Variants in MACROD2 observed in about 807,000 individuals in gnomAD.
The protein encoded by MACROD2 is ADP-ribose glycohydrolase MACROD2.
Under a neutral mutation model 70.4 loss-of-function variants are expected in MACROD2, and 36 were observed. The observed-to-expected ratio is 0.51, with a 90% CI of 0.39 to 0.68. MACROD2 has a LOEUF of 0.68. MACROD2 is among the 30% of genes least tolerant of loss of function. The pLI is 0.00. For missense variants in MACROD2, 496 were observed against 538.4 expected (o/e 0.92, Z 0.78); for synonymous variants, 172 against 178.8 (o/e 0.96, Z 0.30).
At chr20:15,770,904 A>G (rs1157627940) in intron 8 of MACROD2, among the ~76,000 whole-genome samples, 1 of 152,160 alleles carries the variant, frequency 6.6e-6, no homozygotes, top group East Asian at 1.9e-4. Flanking sequence ...CTCGTGTCCA[A>G]TCTGCTGACA....
intron 8 of MACROD2, among the ~76,000 whole-genome samples, chr20:15,561,819 G>A (rs1310016838): frequency 1.3e-5 from 2 of 152,040 alleles, no homozygotes; most frequent in African/African-American, 4.8e-5. Flanking sequence ...ATTAAAATAA[G>A]AACAGAGCAC....
At chr20:14,705,317 A>G (rs2071256506) in intron 5 of MACROD2, among the ~76,000 whole-genome samples, 1 of 152,128 alleles carries the variant, frequency 6.6e-6, no homozygotes, top group East Asian at 1.9e-4. Context: ...AACCGCCAAG[A>G]GCCAGGAACT....
intron 5 of MACROD2, among the ~76,000 whole-genome samples, chr20:15,183,279 A>T (rs981758847): frequency 6.6e-6 from 1 of 152,128 alleles, no homozygotes; most frequent in African/African-American, 2.4e-5. Flanking sequence ...TCACTCCTAT[A>T]ATCCTAGAAC....
intron 10 of MACROD2, among the ~76,000 whole-genome samples, chr20:15,911,274 C>T (rs2065232895): frequency 6.6e-6 from 1 of 152,130 alleles, no homozygotes; most frequent in Admixed American, 6.5e-5. Context: ...CAGAGGAAAA[C>T]AGGGGAAGTA....
Position 15,730,996 on chromosome 20 carries a change from C to T in MACROD2, c.646-131749C>T, listed in dbSNP as rs1454055502. Among the ~76,000 whole-genome samples, 4 of 58,458 alleles carry T rather than the reference C, an allele frequency of 6.8e-5. 2 individuals are homozygous for T. Among genetic ancestry groups the T allele is most frequent in the African/African-American group, 1.9e-4 (4 of 21,040 alleles). 38.4% of individuals were successfully genotyped at this position (58,458 alleles called of 152,430 possible). On this transcript the variant is annotated intron_variant, in intron 8 of 17. Coordinates refer to ENST00000684519, the MANE Select transcript of MACROD2 (RefSeq NM_001351661.2). ...ATATTTGTGGTTGTATTCTGAAACT[C>T]TTGAGGTGAGTTTTTCAGCTCTATC...
intron 15 of MACROD2, among the ~76,000 whole-genome samples, chr20:16,003,263 T>C (rs2066740304): frequency 6.6e-6 from 1 of 152,180 alleles, no homozygotes; most frequent in Non-Finnish European, 1.5e-5. Flanking sequence ...ATTCCTGAGC[T>C]CCCCTTCGAG....
intron 10 of MACROD2, among the ~76,000 whole-genome samples, chr20:15,889,513 T>A (rs1171685068): frequency 6.6e-6 from 1 of 152,126 alleles, no homozygotes; most frequent in East Asian, 1.9e-4. Flanking sequence ...ACTTTTATAG[T>A]AAGTAGAGGC....
intron 6 of MACROD2, among the ~76,000 whole-genome samples, chr20:15,337,249 G>GTGTTT (rs1273033901): frequency 3.3e-5 from 5 of 151,698 alleles, no homozygotes; most frequent in Non-Finnish European, 7.4e-5. Context: ...AGAACAGTTT[G>GTGTTT]TGTTTTGTTT....
intron 6 of MACROD2, among the ~76,000 whole-genome samples, chr20:15,403,970 A>C (rs1021320569): frequency 6.6e-6 from 1 of 152,140 alleles, no homozygotes; most frequent in African/African-American, 2.4e-5. Flanking sequence ...AGTATCAGCA[A>C]TTTTCATTCA....
At chr20:15,710,043 G>A (rs2050601436) in intron 8 of MACROD2, among the ~76,000 whole-genome samples, 1 of 151,988 alleles carries the variant, frequency 6.6e-6, no homozygotes, top group Non-Finnish European at 1.5e-5. Context: ...ACGGGCTAAT[G>A]ATCCGTACGA....
intron 3 of MACROD2, among the ~76,000 whole-genome samples, chr20:14,483,954 A>G (rs546590665): frequency 1.1e-4 from 17 of 152,196 alleles, no homozygotes; most frequent in Admixed American, 3.9e-4. Flanking sequence ...AAAAGTTTAT[A>G]TATTTGATAT....
At chr20:15,465,283 C>T (rs1007627579) in intron 7 of MACROD2, among the ~76,000 whole-genome samples, 2 of 152,120 alleles carry the variant, frequency 1.3e-5, no homozygotes, top group African/African-American at 4.8e-5. Context: ...ATGTATCTAC[C>T]ATGATACGTC....
chr20:14,580,299 T>G (rs1451953729), intron 4 of MACROD2, among the ~76,000 whole-genome samples: 1 of 152,196 alleles, frequency 6.6e-6, no homozygotes, highest in African/African-American at 2.4e-5. Flanking sequence ...AAGAGTATTT[T>G]ACTGTGTTTT....
intron 9 of MACROD2, among the ~76,000 whole-genome samples, chr20:15,869,484 C>A (rs1435725900): frequency 2.0e-5 from 3 of 151,336 alleles, no homozygotes; most frequent in Non-Finnish European, 4.4e-5. Context: ...AAATAATGAG[C>A]TATTTGACCT....
chr20:14,830,483 A>T (rs568576737), intron 5 of MACROD2, among the ~76,000 whole-genome samples: 1 of 152,150 alleles, frequency 6.6e-6, no homozygotes, highest in African/African-American at 2.4e-5. Context: ...TTTTTTACTT[A>T]TTGGAAAGAG....
intron 6 of MACROD2, among the ~76,000 whole-genome samples, chr20:15,248,957 T>C (rs1194501177): frequency 2.6e-5 from 4 of 152,142 alleles, no homozygotes; most frequent in African/African-American, 9.7e-5. Flanking sequence ...GGAAGCTCCA[T>C]GAGGGAGTAG....
chr20:14,603,500 T>A (rs752043015), intron 4 of MACROD2, among the ~76,000 whole-genome samples: 5 of 152,206 alleles, frequency 3.3e-5, no homozygotes, highest in Admixed American at 2.6e-4. Context: ...AATTTTGGCA[T>A]GGTCTAATAC....
chr20:15,059,294 A>T lies in MACROD2; in HGVS notation c.419-170646A>T, dbSNP rs560512068. Among the ~76,000 whole-genome samples, 3 of 152,250 alleles carry T rather than the reference A, an allele frequency of 2.0e-5. No individual in the cohort carries two copies. The East Asian group carries it at 5.8e-4, about 29-fold the overall frequency. The stretch of plus-strand genomic sequence containing the variant: ...CAGCTACTCAGGAGGCTGAGGCATG[A>T]GAATAGCTTGAGCCCAGGAGGTGGA... On this transcript the variant is annotated intron_variant, in intron 5 of 17. Coordinates refer to ENST00000684519, the MANE Select transcript of MACROD2 (RefSeq NM_001351661.2).
intron 3 of MACROD2, among the ~76,000 whole-genome samples, chr20:14,280,677 C>G (rs900635290): frequency 6.6e-6 from 1 of 152,116 alleles, no homozygotes; most frequent in Admixed American, 6.5e-5. Context: ...TTTTAGAAAG[C>G]TCTAGCAGTT....
Sources: gnomAD v4.1 joint callset for allele counts (sites outside exome capture counted in the v4.1 genomes callset) on GRCh38, gnomAD v4.1.1 for gene constraint, MANE v1.5 for transcripts, NCBI Gene and HGNC (gene_info 2026-07-23, HGNC 2026-07-21) for gene names.